Variants in ALK observed in about 807,000 individuals in gnomAD.
The protein encoded by ALK is ALK tyrosine kinase receptor.
In ALK, 74 loss-of-function variants were observed where a neutral mutation model predicts 163.1. The observed-to-expected ratio is 0.45, with a 90% CI of 0.38 to 0.55. The LOEUF is 0.55. ALK is among the 20% of genes least tolerant of loss of function. The pLI is 0.00. For missense variants in ALK, 2,063 were observed against 2,105.3 expected (o/e 0.98, Z 0.39); for synonymous variants, 960 against 843.2 (o/e 1.14, Z -2.40).
chr2:29,502,146 GAAT>G (rs2148132871), intron 4 of ALK, among the ~76,000 whole-genome samples: 1 of 152,280 alleles, frequency 6.6e-6, no homozygotes, highest in African/African-American at 2.4e-5. Flanking sequence ...ACACGCTGGA[GAAT>G]AAAACAGGCA....
Position 29,409,890 on chromosome 2 carries a change from A to C in ALK, c.1155-26031T>G, listed in dbSNP as rs892302191. On this transcript the variant is annotated intron_variant, in intron 4 of 28. Transcript: ENST00000389048. ...ATTTCTGTCTTCTCTGATTGCCTGCACTCTGTGTGCCCTGTTGGCTGTTCA... is the reference window on the plus strand; with the variant it reads ...ATTTCTGTCTTCTCTGATTGCCTGCCCTCTGTGTGCCCTGTTGGCTGTTCA... Among the ~76,000 whole-genome samples, 5 of 151,736 alleles carry C rather than the reference A, an allele frequency of 3.3e-5. No individual in the cohort carries two copies. The South Asian group carries it at 8.4e-4, about 25-fold the overall frequency.
intron 4 of ALK, among the ~76,000 whole-genome samples, chr2:29,531,606 G>C (rs1673121816): frequency 6.6e-6 from 1 of 151,916 alleles, no homozygotes; most frequent in Non-Finnish European, 1.5e-5. Context: ...ACATTTCTTT[G>C]ACTGTTTTCT....
chr2:29,726,595 C>G (rs1280250432), intron 1 of ALK, among the ~76,000 whole-genome samples: 1 of 152,230 alleles, frequency 6.6e-6, no homozygotes, highest in Non-Finnish European at 1.5e-5. Context: ...ACTGGCTCTT[C>G]TCTTGACCTG....
chr2:29,914,229 C>T (rs2148439357), intron 1 of ALK, among the ~76,000 whole-genome samples: 1 of 152,318 alleles, frequency 6.6e-6, no homozygotes, highest in South Asian at 2.1e-4. Context: ...GAGAAAGTCG[C>T]CTTCCATGGT....
chr2:29,331,970 C>A (rs973779266), intron 5 of ALK, among the ~76,000 whole-genome samples: 3 of 151,968 alleles, frequency 2.0e-5, no homozygotes, highest in Non-Finnish European at 4.4e-5. Context: ...TCACTCCCAG[C>A]CCTGCCACAG....
chr2:29,846,703 G>A (rs1335460621), intron 1 of ALK, among the ~76,000 whole-genome samples: 1 of 152,120 alleles, frequency 6.6e-6, no homozygotes, highest in East Asian at 1.9e-4. Flanking sequence ...TCAAAAGTCT[G>A]GCAACTTCCT....
chr2:29,424,218 C>T (rs556074695), intron 4 of ALK, among the ~76,000 whole-genome samples: 1 of 152,270 alleles, frequency 6.6e-6, no homozygotes, highest in African/African-American at 2.4e-5. Context: ...GTGTCAAAAA[C>T]AGACTCAGGT....
chr2:29,459,564 A>ACT (rs552813029), intron 4 of ALK, among the ~76,000 whole-genome samples: 2 of 148,416 alleles, frequency 1.3e-5, no homozygotes, highest in Non-Finnish European at 3.0e-5. Context: ...CTAGCTAATG[A>ACT]TTTTTTTTTT....
chr2:29,574,357 G>T (rs950027350), intron 3 of ALK, among the ~76,000 whole-genome samples: 1 of 152,176 alleles, frequency 6.6e-6, no homozygotes. Flanking sequence ...AAACCGAAAC[G>T]TACATGAGGG....
At chr2:29,774,834 G>A (rs1382368808) in intron 1 of ALK, among the ~76,000 whole-genome samples, 3 of 152,060 alleles carry the variant, frequency 2.0e-5, no homozygotes, top group Non-Finnish European at 4.4e-5. Flanking sequence ...AATGGATGAC[G>A]TAACTACTTC....
intron 9 of ALK, among the ~76,000 whole-genome samples, chr2:29,288,920 C>T: frequency 6.9e-6 from 1 of 144,112 alleles, no homozygotes; most frequent in South Asian, 2.2e-4. Context: ...CCACTGCACT[C>T]CAGCCTGGGC....
intron 4 of ALK, among the ~76,000 whole-genome samples, chr2:29,430,594 C>T (rs767043653): frequency 6.6e-6 from 1 of 152,148 alleles, no homozygotes; most frequent in Non-Finnish European, 1.5e-5. Flanking sequence ...AGTCAGTTTG[C>T]CCACTCATGC....
chr2:29,228,762 C>T, intron 16 of ALK, 122 bp downstream of exon 16: 3 of 710,274 alleles, frequency 4.2e-6, no homozygotes, highest in Non-Finnish European at 7.7e-6. Context: ...GGGAGGCGTG[C>T]AGTCACATCA....
At chr2:29,458,948 C>G (rs1258252306) in intron 4 of ALK, among the ~76,000 whole-genome samples, 1 of 152,050 alleles carries the variant, frequency 6.6e-6, no homozygotes, top group African/African-American at 2.4e-5. Context: ...TGAGTGGTTC[C>G]CAGTCATACA....
intron 8 of ALK, among the ~76,000 whole-genome samples, chr2:29,300,551 T>C (rs1276829893): frequency 5.3e-5 from 2 of 37,476 alleles, no homozygotes; most frequent in Admixed American, 3.4e-4. Context: ...CAAGACTCTG[T>C]CTCAAAAAAA....
At chr2:29,604,203 G>T (rs549589671) in intron 3 of ALK, among the ~76,000 whole-genome samples, 1 of 137,380 alleles carries the variant, frequency 7.3e-6, no homozygotes, top group Non-Finnish European at 1.6e-5. Flanking sequence ...CTGTTGGAAA[G>T]AAATCAAAAA....
chr2:29,197,802 T>C (rs1206930867), intron 26 of ALK, 126 bp from the exon 27 acceptor site: 4 of 823,076 alleles, frequency 4.9e-6, no homozygotes, highest in Admixed American at 3.9e-5. Context: ...TTCCATAACA[T>C]AGAACTCTTA....
rs577495616 is a variant in ALK, at chr2:29,458,943, G to A, written c.1154+72972C>T. ...AACACCTGCTTTTGCCTCACTGAGT[G>A]GTTCCCAGTCATACAGGACCACACT... On this transcript the variant is annotated intron_variant, in intron 4 of 28. Coordinates refer to ENST00000389048, the MANE Select transcript of ALK (RefSeq NM_004304.5). 5.3e-5 allele frequency among the ~76,000 whole-genome samples: 8 copies of A among 152,176 alleles called. No individual in the cohort carries two copies. In the East Asian group the frequency reaches 1.4e-3, roughly 26 times the overall value.
In ALK at chr2:29,635,284, A is replaced by G. The variant is rs74780025; in HGVS notation, c.952+59566T>C. Among the ~76,000 whole-genome samples, 651 of 152,332 alleles carry G rather than the reference A, an allele frequency of 4.3e-3. 7 individuals carry two copies. In the East Asian group the frequency reaches 0.044, roughly 10 times the overall value. ...CAGGTTCTAAACTAAATATTGCCTT[A>G]TAAGGAAATGTGGTCTTCACAGATA... On this transcript the variant is annotated intron_variant, in intron 3 of 28. Coordinates refer to ENST00000389048, the MANE Select transcript of ALK (RefSeq NM_004304.5).
Sources: gnomAD v4.1 joint callset for allele counts (sites outside exome capture counted in the v4.1 genomes callset) on GRCh38, gnomAD v4.1.1 for gene constraint, MANE v1.5 for transcripts, NCBI Gene and HGNC (gene_info 2026-07-23, HGNC 2026-07-21) for gene names.